ST6GALNAC3: variants seen among roughly 807,000 people sequenced by gnomAD.
ST6GALNAC3 encodes the protein alpha-N-acetylgalactosaminide alpha-2,6-sialyltransferase 3.
In ST6GALNAC3, 25 loss-of-function variants were observed where a neutral mutation model predicts 32.7. The ratio of observed to expected loss-of-function variants is 0.76; its 90% CI spans 0.56 to 1.07. The LOEUF (loss-of-function observed/expected upper bound fraction) is 1.07, where lower values mean the gene tolerates loss of function less well. ST6GALNAC3 is among the 50% of genes least tolerant of loss of function. The pLI is 0.00. For missense variants in ST6GALNAC3, 355 were observed against 382.4 expected, an observed-to-expected ratio of 0.93 and a Z score of 0.60; for synonymous variants, 129 against 133.1, an observed-to-expected ratio of 0.97 and a Z score of 0.21.
intron 1 of ST6GALNAC3, among the ~76,000 whole-genome samples, chr1:76,087,619 C>G (rs926154167): frequency 2.6e-5 from 4 of 152,032 alleles, no homozygotes; most frequent in Admixed American, 2.6e-4. Flanking sequence ...TCATTTTATC[C>G]CCACAGGCTC....
chr1:76,172,338 C>G (rs1024717377), intron 1 of ST6GALNAC3, among the ~76,000 whole-genome samples: 1 of 152,104 alleles, frequency 6.6e-6, no homozygotes, highest in Non-Finnish European at 1.5e-5. Flanking sequence ...GAATATATCT[C>G]AAAATAATAA....
chr1:76,357,506 C>CCAATCCATCTTATTTGGATGGAAGAT (rs1218925427), intron 2 of ST6GALNAC3, among the ~76,000 whole-genome samples: 1 of 152,174 alleles, frequency 6.6e-6, no homozygotes, highest in African/African-American at 2.4e-5. Context: ...AGATCTTCTA[C>CCAATCCATCTTATTTGGATGGAAGAT]CACATTTTTA....
At chr1:76,196,626 C>T (rs1355771489) in intron 1 of ST6GALNAC3, among the ~76,000 whole-genome samples, 9 of 151,958 alleles carry the variant, frequency 5.9e-5, no homozygotes, top group African/African-American at 1.2e-4. Context: ...CCACCATGCC[C>T]GGCTAATTTT....
intron 1 of ST6GALNAC3, among the ~76,000 whole-genome samples, chr1:76,170,163 T>G (rs927944229): frequency 6.6e-6 from 1 of 152,214 alleles, no homozygotes; most frequent in Non-Finnish European, 1.5e-5. Flanking sequence ...GGACTTCTAT[T>G]GGGCCCCAGC....
At chr1:76,435,443 C>A (rs1001709075) in intron 3 of ST6GALNAC3, among the ~76,000 whole-genome samples, 3 of 152,062 alleles carry the variant, frequency 2.0e-5, no homozygotes, top group African/African-American at 7.2e-5. Context: ...AAGGAATATT[C>A]TTTTTCATTT....
chr1:76,383,332 A>G (rs1211161522), intron 2 of ST6GALNAC3, among the ~76,000 whole-genome samples: 3 of 152,144 alleles, frequency 2.0e-5, no homozygotes. Flanking sequence ...GTGCAGTGGT[A>G]TGACCAAAGC....
intron 1 of ST6GALNAC3, among the ~76,000 whole-genome samples, chr1:76,133,670 C>T (rs1649756509): frequency 6.6e-6 from 1 of 152,222 alleles, no homozygotes; most frequent in Non-Finnish European, 1.5e-5. Flanking sequence ...GGCAAACCTG[C>T]TGACTTCCAG....
At chr1:76,478,760 C>CTATT (rs1156304188) in intron 3 of ST6GALNAC3, among the ~76,000 whole-genome samples, 14 of 109,088 alleles carry the variant, frequency 1.3e-4, no homozygotes, top group African/African-American at 5.2e-4. Context: ...TTTATTAATT[C>CTATT]TTTTTTTTTT....
chr1:76,431,678 T>A (rs1655762747), intron 3 of ST6GALNAC3, among the ~76,000 whole-genome samples: 1 of 152,214 alleles, frequency 6.6e-6, no homozygotes, highest in African/African-American at 2.4e-5. Context: ...GCTGATTCTC[T>A]TTTAAATTGC....
At chr1:76,533,350 C>G (rs1315548895) in intron 3 of ST6GALNAC3, among the ~76,000 whole-genome samples, 1 of 151,124 alleles carries the variant, frequency 6.6e-6, no homozygotes, top group Non-Finnish European at 1.5e-5. Flanking sequence ...ACAAACACCA[C>G]TAATTCAGAC....
chr1:76,124,462 G>A lies in ST6GALNAC3; in HGVS notation c.18+49578G>A, dbSNP rs1030635001. Among the ~76,000 whole-genome samples, 6 of 152,264 alleles carry A rather than the reference G, an allele frequency of 3.9e-5. No individual in the cohort carries two copies. The East Asian group carries it at 7.7e-4, about 20-fold the overall frequency. ...TGCAGTCCTCCCTACCTGACCTTGCGCAATGTAGTCTGTCCCTGGTTGGGG... is the reference window on the plus strand; with the variant it reads ...TGCAGTCCTCCCTACCTGACCTTGCACAATGTAGTCTGTCCCTGGTTGGGG... On this transcript the variant is annotated intron_variant, in intron 1 of 4. Transcript: ENST00000328299.
At chr1:76,280,242 T>A (rs1659421333) in intron 1 of ST6GALNAC3, among the ~76,000 whole-genome samples, 1 of 152,172 alleles carries the variant, frequency 6.6e-6, no homozygotes, top group Non-Finnish European at 1.5e-5. Context: ...AAATCCTATT[T>A]ATTTTAGTTC....
chr1:76,536,392 A>G (rs373849415), intron 3 of ST6GALNAC3, among the ~76,000 whole-genome samples: 1 of 152,150 alleles, frequency 6.6e-6, no homozygotes, highest in Non-Finnish European at 1.5e-5. Flanking sequence ...ACTTACAATC[A>G]TGGTGGAAGG....
chr1:76,304,483 A>G (rs1251692086), intron 1 of ST6GALNAC3, among the ~76,000 whole-genome samples: 2 of 150,978 alleles, frequency 1.3e-5, no homozygotes, highest in African/African-American at 2.4e-5. Context: ...TGGAACTTGC[A>G]GAGATGAGGA....
chr1:76,174,638 A>G (rs990226096), intron 1 of ST6GALNAC3, among the ~76,000 whole-genome samples: 3 of 146,034 alleles, frequency 2.1e-5, no homozygotes, highest in African/African-American at 7.6e-5. Context: ...CAATAAATAT[A>G]TTTCTTCTCT....
At position 76,628,859 on chromosome 1, in the gene ST6GALNAC3, C is replaced by G. The variant is rs986746679; in HGVS notation, c.*53C>G. 1.3e-5 allele frequency: 20 copies of G among 1,591,748 alleles called. No individual in the cohort carries two copies. Among genetic ancestry groups the G allele is most frequent in the African/African-American group, 2.7e-5 (2 of 73,154 alleles). ...ACTTAATGTGATCCCCATACTGCAA[C>G]TGTGATGCTGATGATGCTAATGGAG... On this transcript the variant is annotated 3_prime_UTR_variant, in exon 5 of 5. Coordinates refer to ENST00000328299, the MANE Select transcript of ST6GALNAC3 (RefSeq NM_152996.4).
At chr1:76,595,746 A>G (rs1042445397) in intron 3 of ST6GALNAC3, among the ~76,000 whole-genome samples, 5 of 152,160 alleles carry the variant, frequency 3.3e-5, no homozygotes, top group Non-Finnish European at 7.4e-5. Flanking sequence ...AGTTACATAT[A>G]TAAAAGTGAA....
chr1:76,469,515 T>C (rs1398102229), intron 3 of ST6GALNAC3, among the ~76,000 whole-genome samples: 3 of 152,096 alleles, frequency 2.0e-5, no homozygotes, highest in African/African-American at 4.8e-5. Context: ...CAGAATATGT[T>C]TCAAATCATT....
chr1:76,609,846 G>A (rs1647805795), intron 3 of ST6GALNAC3, among the ~76,000 whole-genome samples: 1 of 152,036 alleles, frequency 6.6e-6, no homozygotes, highest in Non-Finnish European at 1.5e-5. Flanking sequence ...ACACACTTGA[G>A]AAGTGTTATA....
Sources: gnomAD v4.1 joint callset for allele counts (sites outside exome capture counted in the v4.1 genomes callset) on GRCh38, gnomAD v4.1.1 for gene constraint, MANE v1.5 for transcripts, NCBI Gene and HGNC (gene_info 2026-07-23, HGNC 2026-07-21) for gene names.